Variants in PLCL2 observed in about 807,000 individuals in gnomAD.
PLCL2 encodes the protein inactive phospholipase C-like protein 2.
A neutral mutation model predicts 79.6 loss-of-function variants in PLCL2; 4 were observed. The observed-to-expected ratio is 0.05, with a 90% CI of 0.02 to 0.11. The LOEUF (loss-of-function observed/expected upper bound fraction) is 0.11, where lower values mean the gene tolerates loss of function less well. Among genes scored for constraint, PLCL2 ranks in the 10% least tolerant of loss-of-function variants. The pLI is 1.00. For synonymous variants in PLCL2, 484 were observed against 457.7 expected (o/e 1.06, Z -0.73); for missense variants, 895 against 1,291.0 (o/e 0.69, Z 4.70).
In PLCL2 at chr3:17,010,000, T is replaced by C. The variant is rs947266828; in HGVS notation, c.654T>C (p.Phe218=). 9 of 1,613,996 alleles carry C rather than the reference T, an allele frequency of 5.6e-6. No individual in the cohort carries two copies. In the African/African-American group the frequency reaches 1.2e-4, roughly 22 times the overall value. ...ISDQISEDCA[F]SVIYGENYES... is the part of the protein sequence containing the mutation. ...ACCAGATATCTGAAGATTGTGCGTTTTCCGTCATATATGGAGAGAATTATG... is the reference window on the plus strand; with the variant it reads ...ACCAGATATCTGAAGATTGTGCGTTCTCCGTCATATATGGAGAGAATTATG... Residue 218 remains phenylalanine (F), a synonymous_variant, in exon 2 of 6, where the codon TTT becomes TTC. Coordinates refer to ENST00000615277, the MANE Select transcript of PLCL2 (RefSeq NM_001144382.2). This position sits in a 1 kb window ranked among gnomAD's most constrained non-coding sequence, Gnocchi z 4.0.
At chr3:17,031,679 T>C (rs1421828873) in intron 3 of PLCL2, among the ~76,000 whole-genome samples, 1 of 152,152 alleles carries the variant, frequency 6.6e-6, no homozygotes, top group African/African-American at 2.4e-5. Flanking sequence ...ATGTACAAAA[T>C]GATGTATAGC....
chr3:16,885,333 G>T lies in PLCL2; in HGVS notation c.294G>T (p.Pro98=). The change falls in exon 1 of 6, where the codon CCG becomes CCT. Residue 98 remains proline, a synonymous_variant. Transcript: ENST00000615277. ...GTACCCTCCCCCGGGAGAGCAAGCC[G>T]GGCGGCCTGCCCCGCCGGAGCAGCA... The part of the protein sequence containing the change: ...VVCTLPRESK[P]GGLPRRSSII... 1.5e-6 allele frequency: 1 copy of T among 656,600 alleles called. No homozygotes were observed. The highest frequency in any genetic ancestry group is 2.8e-6 in the Non-Finnish European group (1 of 363,544). 40.7% of individuals were successfully genotyped at this position (656,600 alleles called of 1,614,324 possible). A position where few individuals can be genotyped will look rare whatever the true frequency, so the allele number is the denominator to read the frequency against.
chr3:16,988,932 G>C (rs1460119754), intron 1 of PLCL2, among the ~76,000 whole-genome samples: 1 of 152,066 alleles, frequency 6.6e-6, no homozygotes, highest in Non-Finnish European at 1.5e-5. Context: ...TCAGGCATAT[G>C]AGGTCATTTA....
At chr3:16,980,824 A>T (rs890193078) in intron 1 of PLCL2, among the ~76,000 whole-genome samples, 1 of 152,156 alleles carries the variant, frequency 6.6e-6, no homozygotes, top group Non-Finnish European at 1.5e-5. Context: ...AGATCACGCC[A>T]CTGCACTCCA....
At chr3:16,936,355 A>G (rs1456924844) in intron 1 of PLCL2, among the ~76,000 whole-genome samples, 1 of 152,200 alleles carries the variant, frequency 6.6e-6, no homozygotes, top group Non-Finnish European at 1.5e-5. Flanking sequence ...TGTTGTCCAC[A>G]TTAGCATGAC....
chr3:17,064,154 T>C (rs2064984681), intron 4 of PLCL2, among the ~76,000 whole-genome samples: 1 of 152,224 alleles, frequency 6.6e-6, no homozygotes, highest in African/African-American at 2.4e-5. Context: ...TACACCACTG[T>C]TGTTGTAAAG....
intron 3 of PLCL2, among the ~76,000 whole-genome samples, chr3:17,025,966 C>T (rs978689256): frequency 6.6e-6 from 1 of 152,168 alleles, no homozygotes; most frequent in Non-Finnish European, 1.5e-5. Context: ...GTCCCTTCTG[C>T]ACAGTAACTG....
At chr3:17,084,005 C>G (rs915657374) in intron 5 of PLCL2, among the ~76,000 whole-genome samples, 1 of 152,116 alleles carries the variant, frequency 6.6e-6, no homozygotes, top group Non-Finnish European at 1.5e-5. Flanking sequence ...AAACCAAAAG[C>G]TAGTCCTTTG....
Position 16,956,294 on chromosome 3 carries a change from T to G in PLCL2, c.328-53380T>G, listed in dbSNP as rs2063704936. Among the ~76,000 whole-genome samples, 3 of 152,336 alleles carry G rather than the reference T, an allele frequency of 2.0e-5. No homozygotes were observed. In the South Asian group the frequency reaches 6.2e-4, roughly 32 times the overall value. On this transcript the variant is annotated intron_variant, in intron 1 of 5. Transcript: ENST00000615277. ...TGCATCTATTGAGATAATCATGTGG[T>G]TTTTGTTTTTGGTTCTGTTTATATG...
chr3:16,926,522 T>C (rs1575532467), intron 1 of PLCL2, among the ~76,000 whole-genome samples: 1 of 152,238 alleles, frequency 6.6e-6, no homozygotes, highest in East Asian at 1.9e-4. Flanking sequence ...AATGTAATTT[T>C]TTGAAAGATA....
intron 1 of PLCL2, among the ~76,000 whole-genome samples, chr3:16,980,330 C>T (rs2063975129): frequency 1.3e-5 from 2 of 150,818 alleles, no homozygotes; most frequent in Admixed American, 6.6e-5. Context: ...ACGCTCCTCA[C>T]TTCCCAGACG....
intron 1 of PLCL2, among the ~76,000 whole-genome samples, chr3:16,900,121 C>T (rs1341616914): frequency 1.3e-5 from 2 of 152,180 alleles, no homozygotes; most frequent in Non-Finnish European, 2.9e-5. Flanking sequence ...CTGGATAAGA[C>T]TGTTGAGATC....
chr3:16,917,552 C>T (rs1474704081), intron 1 of PLCL2, among the ~76,000 whole-genome samples: 1 of 152,146 alleles, frequency 6.6e-6, no homozygotes, highest in Non-Finnish European at 1.5e-5. Flanking sequence ...TCCATACTCA[C>T]ATGTTGGGTA....
At chr3:17,029,039 G>A (rs754458997) in intron 3 of PLCL2, among the ~76,000 whole-genome samples, 5 of 152,254 alleles carry the variant, frequency 3.3e-5, no homozygotes, top group Non-Finnish European at 2.9e-5. Context: ...GGAAGGGGGC[G>A]CAGAGGGTAG....
chr3:17,057,909 G>A (rs1023855651), intron 4 of PLCL2, among the ~76,000 whole-genome samples: 4 of 152,168 alleles, frequency 2.6e-5, no homozygotes, highest in African/African-American at 9.7e-5. Context: ...CTTACTCTCC[G>A]TCTGACCAGG....
chr3:17,061,158 G>A (rs1011144073), intron 4 of PLCL2, among the ~76,000 whole-genome samples: 3 of 152,178 alleles, frequency 2.0e-5, no homozygotes, highest in Non-Finnish European at 4.4e-5. Flanking sequence ...ATGTTTGAAA[G>A]GTCGTCTGCT....
chr3:17,080,178 G>A (rs762252044), intron 5 of PLCL2, among the ~76,000 whole-genome samples: 5 of 152,240 alleles, frequency 3.3e-5, no homozygotes, highest in South Asian at 2.1e-4. Context: ...AAAACATCAC[G>A]CACTCTTAAA....
intron 3 of PLCL2, among the ~76,000 whole-genome samples, chr3:17,023,651 C>T (rs551313745): frequency 1.3e-5 from 2 of 152,126 alleles, no homozygotes; most frequent in Non-Finnish European, 2.9e-5. Context: ...TTCCCAGTCT[C>T]GGGTATGTCT....
intron 1 of PLCL2, among the ~76,000 whole-genome samples, chr3:16,956,837 C>G (rs970902701): frequency 2.0e-5 from 3 of 152,214 alleles, no homozygotes; most frequent in Non-Finnish European, 4.4e-5. Context: ...GTAGTATTCT[C>G]TGATGGTAGT....
Sources: allele counts gnomAD v4.1 joint callset (sites outside exome capture counted in the v4.1 genomes callset), GRCh38; gene constraint gnomAD v4.1.1; non-coding constraint Gnocchi (gnomAD v3.1); transcripts MANE v1.5; gene names NCBI Gene and HGNC (gene_info 2026-07-23, HGNC 2026-07-21).